Variants in CELA2A observed in about 807,000 individuals in gnomAD.
CELA2A encodes chymotrypsin-like elastase family member 2A.
A neutral mutation model predicts 35.3 loss-of-function variants in CELA2A; 31 were observed. The ratio of observed to expected loss-of-function variants is 0.88; its 90% CI spans 0.66 to 1.19. The LOEUF (loss-of-function observed/expected upper bound fraction) is 1.19. Ranked by LOEUF, CELA2A falls within the 50% of genes most tolerant of loss-of-function variation. The pLI, the probability that CELA2A is intolerant of heterozygous loss-of-function variation, is 0.00. For missense variants in CELA2A, 330 were observed against 352.9 expected, an observed-to-expected ratio of 0.94 and a Z score of 0.52; for synonymous variants, 150 against 149.8, an observed-to-expected ratio of 1.00 and a Z score of -0.01.
chr1:15,459,334 CT>C (rs79235024), intron 2 of CELA2A, among the ~76,000 whole-genome samples: 99 of 98,624 alleles, frequency 1.0e-3, no homozygotes, highest in Admixed American at 1.3e-3. Context: ...GGTTAAGTTT[CT>C]TTTTTTTTTT....
chr1:15,459,933 A>G (rs1401785840), intron 2 of CELA2A, among the ~76,000 whole-genome samples: 2 of 151,502 alleles, frequency 1.3e-5, no homozygotes, highest in Non-Finnish European at 2.9e-5. Context: ...CATGGGCAAC[A>G]TAGATAGCCA....
At chr1:15,463,815 C>CGAGA (rs1708474141) in intron 5 of CELA2A, among the ~76,000 whole-genome samples, 2 of 152,018 alleles carry the variant, frequency 1.3e-5, no homozygotes, top group Non-Finnish European at 2.9e-5. Context: ...TTTGGGAGGC[C>CGAGA]CATCCCGCGG....
At chr1:15,464,753 G>A (rs1440635198) in intron 5 of CELA2A, among the ~76,000 whole-genome samples, 3 of 152,064 alleles carry the variant, frequency 2.0e-5, no homozygotes, top group African/African-American at 7.2e-5. Flanking sequence ...CCCTGGGGCA[G>A]GCGCATTTCA....
chr1:15,462,021 CAG>C, intron 3 of CELA2A: 1 of 502,174 alleles, frequency 2.0e-6, no homozygotes, highest in Non-Finnish European at 4.0e-6. Flanking sequence ...AATGGAGTAA[CAG>C]AATTTAGTGT....
chr1:15,457,178 A>T lies in CELA2A; in HGVS notation c.129+4A>T. 1 of 1,613,832 alleles carries T rather than the reference A, an allele frequency of 6.2e-7. No homozygotes were observed. The highest frequency in any genetic ancestry group is 8.5e-7 in the Non-Finnish European group (1 of 1,179,762). On this transcript the variant is annotated splice_donor_region_variant and intron_variant, in intron 2 of 7. Transcript: ENST00000359621. ...GCCCAACAGCTGGCCCTGGCAGGTG[A>T]GTTGACCACACTGTACTTCTCCCCG... is the stretch of plus-strand genomic sequence containing the variant.
rs560160322 is a variant in CELA2A at position 15,462,941 on chromosome 1, C to A, written c.356+80C>A. On this transcript the variant is annotated intron_variant, in intron 4 of 7. Transcript: ENST00000359621. Reference sequence around the variant, plus strand: ...GTCTCACAGAGGCAAGGGTCTCAACCACACCACACCCCCTCTGCTTCTTCT... The same window carrying A: ...GTCTCACAGAGGCAAGGGTCTCAACAACACCACACCCCCTCTGCTTCTTCT... 251 of 1,577,876 alleles carry A rather than the reference C, an allele frequency of 1.6e-4. 1 individual carries two copies. In the African/African-American group the frequency reaches 3.2e-3, roughly 20 times the overall value.
At chr1:15,465,600 C>T (rs1477736371) in intron 5 of CELA2A, among the ~76,000 whole-genome samples, 1 of 152,226 alleles carries the variant, frequency 6.6e-6, no homozygotes, top group African/African-American at 2.4e-5. Context: ...GGCAGAGATA[C>T]AGCCAGGCAT....
intron 3 of CELA2A, 87 bp downstream of exon 3, chr1:15,461,745 C>A: frequency 6.7e-7 from 1 of 1,482,358 alleles, no homozygotes; most frequent in Non-Finnish European, 9.4e-7. Context: ...AACCATGCTA[C>A]ATAAAGCAGC....
chr1:15,464,828 C>G (rs950420593), intron 5 of CELA2A, among the ~76,000 whole-genome samples: 1 of 152,030 alleles, frequency 6.6e-6, no homozygotes, highest in Non-Finnish European at 1.5e-5. Flanking sequence ...CTGTCAGTCA[C>G]GGTGAAACCT....
intron 7 of CELA2A, among the ~76,000 whole-genome samples, chr1:15,468,537 T>C (rs1708551887): frequency 1.3e-5 from 2 of 152,238 alleles, no homozygotes; most frequent in South Asian, 4.1e-4. Flanking sequence ...CCAGGTGCCA[T>C]GGCTCATGCC....
At chr1:15,467,279 G>T (rs961202053) in intron 6 of CELA2A, 107 bp from the exon 7 acceptor site, 2 of 1,209,930 alleles carry the variant, frequency 1.7e-6, no homozygotes, top group Non-Finnish European at 2.4e-6. Context: ...GTCAGCTTCC[G>T]AGGACAGTGA....
chr1:15,469,946 AT>A (rs936233896), intron 7 of CELA2A, among the ~76,000 whole-genome samples: 10 of 151,690 alleles, frequency 6.6e-5, no homozygotes, highest in South Asian at 2.1e-4. Context: ...AATTGTCCCA[AT>A]TTTTTTTTCC....
chr1:15,470,176 G>T (rs1353401907), intron 7 of CELA2A, among the ~76,000 whole-genome samples: 1 of 152,192 alleles, frequency 6.6e-6, no homozygotes, highest in African/African-American at 2.4e-5. Context: ...TTGGGTGGGG[G>T]CTGCCCCTGG....
intron 5 of CELA2A, among the ~76,000 whole-genome samples, chr1:15,464,932 T>G (rs1457895779): frequency 6.6e-6 from 1 of 151,366 alleles, no homozygotes; most frequent in East Asian, 1.9e-4. Flanking sequence ...AAATGCATCA[T>G]ACATTGCAAA....
chr1:15,467,999 G>A (rs918269966), intron 7 of CELA2A, among the ~76,000 whole-genome samples: 5 of 150,642 alleles, frequency 3.3e-5, no homozygotes, highest in African/African-American at 1.2e-4. Context: ...GACTGAGGCA[G>A]GAGACTCCCT....
intron 2 of CELA2A, among the ~76,000 whole-genome samples, chr1:15,460,528 C>T (rs1019126392): frequency 4.6e-5 from 7 of 152,100 alleles, no homozygotes; most frequent in Admixed American, 4.6e-4. Context: ...TGTCACCTCC[C>T]TCCCCTCTGC....
intron 3 of CELA2A, chr1:15,462,082 C>T (rs952375491): frequency 1.5e-5 from 7 of 476,826 alleles, no homozygotes; most frequent in Non-Finnish European, 3.0e-5. Context: ...AGTAAGTGCT[C>T]AGTGAAAGCT....
rs754611029 is a variant in CELA2A at position 15,466,034 on chromosome 1, C to T, written c.529C>T (p.Arg177Trp). 3 of 1,614,146 alleles carry T rather than the reference C, an allele frequency of 1.9e-6. No homozygotes were observed. Among genetic ancestry groups the T allele is most frequent in the Non-Finnish European group, 2.5e-6 (3 of 1,180,030 alleles). ...TGTTCCTGATGTCCTGCAGCAGGGC[C>T]GGTTGCTGGTTGTGGACTATGCCAC... ...GAVPDVLQQG[R>W]LLVVDYATCS... Residue 177 changes from arginine (R) to tryptophan (W), a missense_variant, in exon 6 of 8, where the codon CGG (arginine) becomes TGG (tryptophan). Coordinates refer to ENST00000359621, the MANE Select transcript of CELA2A (RefSeq NM_033440.3).
chr1:15,466,199 G>T, intron 6 of CELA2A, 55 bp downstream of exon 6: 2 of 1,588,080 alleles, frequency 1.3e-6, no homozygotes, highest in Non-Finnish European at 1.7e-6. Context: ...TGGGGATAAG[G>T]CTATAGAGGT....
Sources: allele counts gnomAD v4.1 joint callset (sites outside exome capture counted in the v4.1 genomes callset), GRCh38; gene constraint gnomAD v4.1.1; transcripts MANE v1.5; gene names NCBI Gene and HGNC (gene_info 2026-07-23, HGNC 2026-07-21).